Variants in CNTNAP5 observed in about 807,000 individuals in gnomAD.
CNTNAP5 encodes the protein contactin associated protein family member 5, also known as contactin-associated protein-like 5.
Under a neutral mutation model 150.2 loss-of-function variants are expected in CNTNAP5, and 72 were observed. The observed-to-expected ratio is 0.48, with a 90% confidence interval of 0.40 to 0.58. The LOEUF (loss-of-function observed/expected upper bound fraction) is 0.58. CNTNAP5 is among the 20% of genes least tolerant of loss of function. The pLI, the probability that CNTNAP5 is intolerant of heterozygous loss-of-function variation, is 0.00. For synonymous variants in CNTNAP5, 672 were observed against 619.8 expected (o/e 1.08, Z -1.25); for missense variants, 1,636 against 1,626.2 (o/e 1.01, Z -0.10).
chr2:124,535,046 C>A (rs1365392104), intron 10 of CNTNAP5, among the ~76,000 whole-genome samples: 1 of 152,194 alleles, frequency 6.6e-6, no homozygotes, highest in Non-Finnish European at 1.5e-5. Flanking sequence ...GACCACTAAG[C>A]AATCTATGCA....
chr2:124,579,251 C>A (rs1290820674), intron 11 of CNTNAP5, among the ~76,000 whole-genome samples: 1 of 152,184 alleles, frequency 6.6e-6, no homozygotes. Context: ...ATTAGAAATT[C>A]ATTCCTCATG....
chr2:124,242,482 T>G, intron 3 of CNTNAP5, 89 bp downstream of exon 3: 1 of 1,286,920 alleles, frequency 7.8e-7, no homozygotes, highest in South Asian at 1.4e-5. Context: ...ATATCCAGAT[T>G]GTTGGTAGTT....
intron 5 of CNTNAP5, among the ~76,000 whole-genome samples, chr2:124,443,994 G>T (rs547325425): frequency 5.1e-4 from 78 of 152,106 alleles, no homozygotes; most frequent in Non-Finnish European, 1.0e-3. Context: ...AAATCTACCT[G>T]CCTTGTTACA....
At chr2:124,492,072 C>T (rs1032799767) in intron 7 of CNTNAP5, among the ~76,000 whole-genome samples, 19 of 152,030 alleles carry the variant, frequency 1.2e-4, no homozygotes, top group African/African-American at 4.6e-4. Context: ...CTGTAGGTTG[C>T]CTTTTCATTC....
chr2:124,151,382 C>A (rs1311906217), intron 1 of CNTNAP5, among the ~76,000 whole-genome samples: 1 of 152,170 alleles, frequency 6.6e-6, no homozygotes, highest in Admixed American at 6.5e-5. Flanking sequence ...CTCTACGCTT[C>A]CTCATGAGCT....
chr2:124,381,848 A>C (rs187966016), intron 3 of CNTNAP5, among the ~76,000 whole-genome samples: 84 of 152,136 alleles, frequency 5.5e-4, no homozygotes, highest in African/African-American at 2.0e-3. Context: ...AGAGAATGGG[A>C]CACACGACAG....
At position 124,907,557 on chromosome 2, in the gene CNTNAP5, A is replaced by T. The variant is rs564899163; in HGVS notation, c.3656-3910A>T. ...GATATAGAATATATAAAATATATAG[A>T]TCTTGATCTATATCTATAATTATAT... On this transcript the variant is annotated intron_variant, in intron 22 of 23. Transcript: ENST00000682447. Among the ~76,000 whole-genome samples the T allele has an allele frequency of 1.9e-3, 282 of 148,462 alleles. 2 individuals are homozygous for T. Among genetic ancestry groups the T allele is most frequent in the African/African-American group, 6.6e-3 (270 of 40,904 alleles).
chr2:124,636,092 T>G (rs559883719), intron 12 of CNTNAP5, among the ~76,000 whole-genome samples: 10 of 152,324 alleles, frequency 6.6e-5, no homozygotes, highest in African/African-American at 2.2e-4. Context: ...AAGTCACAAT[T>G]TTTATGCTTG....
At chr2:124,634,152 G>C (rs1677924042) in intron 12 of CNTNAP5, among the ~76,000 whole-genome samples, 1 of 152,182 alleles carries the variant, frequency 6.6e-6, no homozygotes, top group African/African-American at 2.4e-5. Context: ...TTCCCTGAAA[G>C]TGGGCTTTTC....
chr2:124,240,787 G>T (rs1367248), intron 2 of CNTNAP5, among the ~76,000 whole-genome samples: 29,397 of 151,968 alleles, frequency 0.19, 3,028 homozygotes, highest in East Asian at 0.25. Flanking sequence ...CATCCTTAAA[G>T]ACAGAATAGG....
intron 13 of CNTNAP5, among the ~76,000 whole-genome samples, chr2:124,705,465 T>A (rs997080359): frequency 6.6e-6 from 1 of 151,884 alleles, no homozygotes; most frequent in African/African-American, 2.4e-5. Flanking sequence ...GAGGCGGAGG[T>A]TGCAGTGAAC....
chr2:124,103,696 G>A (rs1015826899), intron 1 of CNTNAP5, among the ~76,000 whole-genome samples: 9 of 151,832 alleles, frequency 5.9e-5, no homozygotes, highest in African/African-American at 2.2e-4. Context: ...CTGTCTAGAT[G>A]CGTGTAAGGA....
At chr2:124,706,936 G>C (rs1356259821) in intron 13 of CNTNAP5, among the ~76,000 whole-genome samples, 1 of 113,766 alleles carries the variant, frequency 8.8e-6, no homozygotes, top group African/African-American at 3.0e-5. Flanking sequence ...AGAAGAAGAA[G>C]AAGAAGGAGG....
At chr2:124,682,706 T>C (rs764912973) in intron 13 of CNTNAP5, among the ~76,000 whole-genome samples, 19 of 152,258 alleles carry the variant, frequency 1.2e-4, no homozygotes, top group African/African-American at 4.3e-4. Flanking sequence ...TTTGCCTGTA[T>C]TTATGTTGTT....
rs1322760072 is a variant in CNTNAP5, at chr2:124,223,303, A to G, written c.187+1494A>G. Among the ~76,000 whole-genome samples the G allele has an allele frequency of 4.6e-5, 7 of 152,154 alleles. No homozygotes were observed. The East Asian group carries it at 1.3e-3, about 29-fold the overall frequency. On this transcript the variant is annotated intron_variant, in intron 2 of 23. Transcript: ENST00000682447. Reference sequence around the variant, plus strand: ...GAAAATAAAAACTAATCAATCAACCACAGTTCAAATGCGAGCTATGCCACT... The same window carrying G: ...GAAAATAAAAACTAATCAATCAACCGCAGTTCAAATGCGAGCTATGCCACT...
intron 1 of CNTNAP5, among the ~76,000 whole-genome samples, chr2:124,134,282 T>A (rs1005740832): frequency 1.3e-5 from 2 of 151,268 alleles, no homozygotes; most frequent in Admixed American, 1.3e-4. Context: ...ACAAGAACGA[T>A]GAAACTGTGT....
At chr2:124,834,910 T>C (rs1330198730) in intron 19 of CNTNAP5, among the ~76,000 whole-genome samples, 2 of 151,800 alleles carry the variant, frequency 1.3e-5, no homozygotes, top group African/African-American at 4.8e-5. Context: ...TTTCATTTTG[T>C]ATCCAGTTCT....
chr2:124,188,716 C>CAAAAAAAAAAAA (rs70996047), intron 1 of CNTNAP5, among the ~76,000 whole-genome samples: 5 of 73,062 alleles, frequency 6.8e-5, no homozygotes, highest in African/African-American at 1.2e-4. Flanking sequence ...GACTCTGTCT[C>CAAAAAAAAAAAA]AAAAAAAAAA....
chr2:124,179,868 AT>A (rs761167906), intron 1 of CNTNAP5, among the ~76,000 whole-genome samples: 14 of 152,194 alleles, frequency 9.2e-5, no homozygotes, highest in Non-Finnish European at 1.8e-4. Flanking sequence ...GATGCTGCTC[AT>A]CTGCTTCTTT....
Sources: gnomAD v4.1 joint callset for allele counts (sites outside exome capture counted in the v4.1 genomes callset) on GRCh38, gnomAD v4.1.1 for gene constraint, MANE v1.5 for transcripts, NCBI Gene and HGNC (gene_info 2026-07-23, HGNC 2026-07-21) for gene names.